NUS1: variants seen among roughly 807,000 people sequenced by gnomAD.
NUS1 encodes the protein dehydrodolichyl diphosphate synthase complex subunit NUS1.
For synonymous variants in NUS1, 135 were observed against 155.2 expected, an observed-to-expected ratio of 0.87 and a Z score of 0.97; for missense variants, 292 against 382.9, an observed-to-expected ratio of 0.76 and a Z score of 1.98.
At chr6:117,702,192 A>G (rs1773421119) in intron 3 of NUS1, among the ~76,000 whole-genome samples, 1 of 152,214 alleles carries the variant, frequency 6.6e-6, no homozygotes, top group African/African-American at 2.4e-5. Context: ...ACCTCAGGCA[A>G]GTAAAGCTGT....
At chr6:117,706,689 C>G (rs1048898976) in intron 4 of NUS1, among the ~76,000 whole-genome samples, 1 of 152,156 alleles carries the variant, frequency 6.6e-6, no homozygotes, top group African/African-American at 2.4e-5. Flanking sequence ...GTGAGTGCCA[C>G]TACCCCTCGG....
rs76156433 is a variant in NUS1 at position 117,697,216 on chromosome 6, C to T, written c.691+3036C>T. ...AAGTCATACCACCAGAGAAAATCACCTTTCCTAAAAGGAGGACAGGAAGGA... is the reference window on the plus strand; with the variant it reads ...AAGTCATACCACCAGAGAAAATCACTTTTCCTAAAAGGAGGACAGGAAGGA... On this transcript the variant is annotated intron_variant, in intron 3 of 4. Transcript: ENST00000368494. 5.5e-3 allele frequency among the ~76,000 whole-genome samples: 835 copies of T among 152,012 alleles called. 10 individuals are homozygous for T. Among genetic ancestry groups the T allele is most frequent in the African/African-American group, 0.019 (781 of 41,518 alleles).
rs539668656 is a variant in NUS1 at position 117,675,867 on chromosome 6, G to A, written c.197G>A (p.Arg66His). The change falls in exon 1 of 5, where the codon CGC becomes CAC. Residue 66 changes from arginine (R) to histidine (H), a missense_variant. Physicochemically the swap from Arg to His is conservative, Grantham distance 29 (BLOSUM62 0). Coordinates refer to ENST00000368494, the MANE Select transcript of NUS1 (RefSeq NM_138459.5). ...AAGCCCCCGGCAGTCGGCAGGAACCGCCGTCACCACCGGCACCCGCGCGGG... is the reference window on the plus strand; with the variant it reads ...AAGCCCCCGGCAGTCGGCAGGAACCACCGTCACCACCGGCACCCGCGCGGG... The part of the protein sequence containing the change: ...LRKPPAVGRN[R>H]RHHRHPRGGS... 4.0e-5 allele frequency: 61 copies of A among 1,532,692 alleles called. No homozygotes were observed. The highest frequency in any genetic ancestry group is 8.0e-5 in the Admixed American group (4 of 49,976). The allele number at this position is 1,532,692 out of a possible 1,614,324, so 94.9% of individuals were successfully genotyped here.
At chr6:117,689,927 C>T (rs1001685453) in intron 1 of NUS1, among the ~76,000 whole-genome samples, 1 of 152,184 alleles carries the variant, frequency 6.6e-6, no homozygotes, top group African/African-American at 2.4e-5. Context: ...ACATATAATA[C>T]AGACCAAAGT....
Position 117,693,023 on chromosome 6 carries a change from G to C in NUS1, c.416-19G>C. ...AAATTAACCTAGTTGTGTTTTACTT[G>C]CCTTTTTCTTTTTTAAAGGTATTTT... On this transcript the variant is annotated intron_variant, in intron 1 of 4. Coordinates refer to ENST00000368494, the MANE Select transcript of NUS1 (RefSeq NM_138459.5). 6.3e-7 allele frequency: 1 copy of C among 1,588,968 alleles called. No individual in the cohort carries two copies. Among genetic ancestry groups the C allele is most frequent in the South Asian group, 1.1e-5 (1 of 90,104 alleles).
chr6:117,698,984 G>C (rs1773360408), intron 3 of NUS1, among the ~76,000 whole-genome samples: 2 of 152,070 alleles, frequency 1.3e-5, no homozygotes, highest in South Asian at 4.2e-4. Flanking sequence ...TAAAAAATCT[G>C]GGTATAGAAG....
intron 3 of NUS1, among the ~76,000 whole-genome samples, chr6:117,700,936 G>A (rs1773396688): frequency 6.6e-6 from 1 of 151,808 alleles, no homozygotes; most frequent in Admixed American, 6.6e-5. Flanking sequence ...AGTAGAGGAT[G>A]GTTGCTAGAG....
chr6:117,687,421 G>T (rs1326515177), intron 1 of NUS1, among the ~76,000 whole-genome samples: 1 of 152,184 alleles, frequency 6.6e-6, no homozygotes, highest in Non-Finnish European at 1.5e-5. Context: ...AGAGATTTAA[G>T]CTATAATAAA....
rs988828577 is a variant in NUS1, at chr6:117,675,792, G to A, written c.122G>A (p.Cys41Tyr). Residue 41 changes from cysteine (C) to tyrosine (Y), a missense_variant, in exon 1 of 5, where the codon TGC becomes TAC. Transcript: ENST00000368494. The part of the protein sequence containing the change: ...GTWNWIWRRC[C>Y]RAASAAVLAP... The stretch of plus-strand genomic sequence containing the variant: ...TGGAACTGGATCTGGCGGCGCTGCT[G>A]CCGCGCCGCCTCTGCCGCGGTCCTA... The A allele has an allele frequency of 1.1e-5, 17 of 1,561,458 alleles. No homozygotes were observed. The highest frequency in any genetic ancestry group is 1.5e-5 in the Non-Finnish European group (17 of 1,156,262).
chr6:117,684,435 G>T (rs1773107155), intron 1 of NUS1, among the ~76,000 whole-genome samples: 1 of 152,188 alleles, frequency 6.6e-6, no homozygotes, highest in African/African-American at 2.4e-5. Flanking sequence ...AGCCATCCAA[G>T]TTTAAATTAC....
chr6:117,679,588 T>TG (rs1397783989), intron 1 of NUS1, among the ~76,000 whole-genome samples: 1 of 152,236 alleles, frequency 6.6e-6, no homozygotes, highest in Non-Finnish European at 1.5e-5. Context: ...AGATAGAGTC[T>TG]GGGACCCAAA....
intron 1 of NUS1, among the ~76,000 whole-genome samples, chr6:117,678,825 A>C (rs10872155): frequency 0.8 from 120,981 of 151,670 alleles, 48,515 homozygotes; most frequent in Non-Finnish European, 0.85. Context: ...ACTACAGGTG[A>C]TGCGCGCCAC....
chr6:117,696,389 A>T (rs2114689179), intron 3 of NUS1, among the ~76,000 whole-genome samples: 1 of 152,256 alleles, frequency 6.6e-6, no homozygotes, highest in Non-Finnish European at 1.5e-5. Context: ...CCTAGAGAAA[A>T]ATATCAGCAT....
chr6:117,700,487 A>C (rs987931407), intron 3 of NUS1, among the ~76,000 whole-genome samples: 3 of 152,222 alleles, frequency 2.0e-5, no homozygotes, highest in African/African-American at 7.2e-5. Context: ...AACAAATGCT[A>C]ACGAGGATGT....
chr6:117,691,558 G>GATATAT (rs60775803), intron 1 of NUS1, among the ~76,000 whole-genome samples: 308 of 136,938 alleles, frequency 2.2e-3, no homozygotes, highest in East Asian at 0.012. Context: ...CATAGATATA[G>GATATAT]ATATATATAT....
chr6:117,708,191 T>C lies in NUS1; in HGVS notation c.*1176T>C, dbSNP rs1360340464. 1.3e-5 allele frequency: 2 copies of C among 152,692 alleles called. No homozygotes were observed. The highest frequency in any genetic ancestry group is 4.8e-5 in the African/African-American group (2 of 41,468). The allele number at this position is 152,692 out of a possible 1,614,324, so 9.5% of individuals were successfully genotyped here. ...GGGAATAAAATATTACCAAAGTCTATAAAAATAAATTTTACATGTTCTCTT... is the reference window on the plus strand; with the variant it reads ...GGGAATAAAATATTACCAAAGTCTACAAAAATAAATTTTACATGTTCTCTT... On this transcript the variant is annotated 3_prime_UTR_variant, in exon 5 of 5. Coordinates refer to ENST00000368494, the MANE Select transcript of NUS1 (RefSeq NM_138459.5).
chr6:117,697,752 T>C (rs971544958), intron 3 of NUS1, among the ~76,000 whole-genome samples: 13 of 151,892 alleles, frequency 8.6e-5, no homozygotes, highest in African/African-American at 2.9e-4. Context: ...ACTAGACAGA[T>C]AGAGACAGAA....
rs573584810 is a variant in NUS1, at chr6:117,675,988, C to T, written c.318C>T (p.Thr106=). ...CTGTGCATATGGGCCTGGTGATCACCGAGGTGGAGCAGGAACCCAGCTTCT... is the reference window on the plus strand; with the variant it reads ...CTGTGCATATGGGCCTGGTGATCACTGAGGTGGAGCAGGAACCCAGCTTCT... ...KLPVHMGLVI[T]EVEQEPSFSD... Residue 106 remains threonine, a synonymous_variant, in exon 1 of 5, where the codon ACC becomes ACT. Transcript: ENST00000368494. 2.4e-4 allele frequency: 372 copies of T among 1,549,490 alleles called. 3 individuals carry two copies. The highest frequency in any genetic ancestry group is 1.9e-3 in the South Asian group (156 of 83,966).
At chr6:117,694,281 C>A in intron 3 of NUS1, 101 bp downstream of exon 3, 2 of 589,536 alleles carry the variant, frequency 3.4e-6, no homozygotes, top group Non-Finnish European at 5.2e-6. Context: ...ATTTTTGTTT[C>A]TTTCACACCA....
Sources: allele counts gnomAD v4.1 joint callset (sites outside exome capture counted in the v4.1 genomes callset), GRCh38; gene constraint gnomAD v4.1.1; transcripts MANE v1.5; gene names NCBI Gene and HGNC (gene_info 2026-07-23, HGNC 2026-07-21).